Variants in CTNNA3 observed in about 807,000 individuals in gnomAD.
CTNNA3 encodes the protein catenin alpha-3.
In CTNNA3, 76 loss-of-function variants were observed where a neutral mutation model predicts 95.7. The ratio of observed to expected loss-of-function variants is 0.79; its 90% CI spans 0.66 to 0.96. CTNNA3 has a LOEUF of 0.96. CTNNA3 is among the 40% of genes least tolerant of loss of function. The pLI is 0.00. For missense variants in CTNNA3, 1,191 were observed against 1,089.8 expected, an observed-to-expected ratio of 1.09 and a Z score of -1.31; for synonymous variants, 431 against 374.4, an observed-to-expected ratio of 1.15 and a Z score of -1.74.
In CTNNA3 at chr10:65,966,611, C is replaced by G; in HGVS notation, c.2400+1G>C. 1 of 1,613,358 alleles carries G rather than the reference C, an allele frequency of 6.2e-7. No homozygotes were observed. The highest frequency in any genetic ancestry group is 8.5e-7 in the Non-Finnish European group (1 of 1,179,486). Reference sequence around the variant, plus strand: ...TCATGTAAGTGCTAGGCAGTACTCACAGCTGACATGATGAGCTCTCCTCCC... The same window carrying G: ...TCATGTAAGTGCTAGGCAGTACTCAGAGCTGACATGATGAGCTCTCCTCCC... On this transcript the variant is annotated splice_donor_variant, in intron 17 of 17. Transcript: ENST00000433211. LOFTEE classifies it high-confidence loss of function.
chr10:67,040,021 TGAG>T (rs1199613821), intron 7 of CTNNA3, among the ~76,000 whole-genome samples: 1 of 152,120 alleles, frequency 6.6e-6, no homozygotes, highest in Non-Finnish European at 1.5e-5. Flanking sequence ...GTGCTGATCA[TGAG>T]GAGGGTTAGT....
chr10:67,198,748 C>T (rs1863495580), intron 6 of CTNNA3, among the ~76,000 whole-genome samples: 1 of 152,158 alleles, frequency 6.6e-6, no homozygotes, highest in Non-Finnish European at 1.5e-5. Context: ...AAAAAATCAA[C>T]TGTTCGTGCA....
intron 5 of CTNNA3, among the ~76,000 whole-genome samples, chr10:67,487,594 C>A (rs1848492101): frequency 6.6e-6 from 1 of 152,212 alleles, no homozygotes; most frequent in Non-Finnish European, 1.5e-5. Flanking sequence ...TAAGCCACCT[C>A]ACAACCTGGG....
chr10:67,367,645 G>T (rs1843265356), intron 5 of CTNNA3, among the ~76,000 whole-genome samples: 1 of 152,138 alleles, frequency 6.6e-6, no homozygotes, highest in Admixed American at 6.5e-5. Context: ...ATTCACAATA[G>T]CAAAGACATG....
At chr10:66,769,182 A>G (rs1270337099) in intron 8 of CTNNA3, among the ~76,000 whole-genome samples, 1 of 152,240 alleles carries the variant, frequency 6.6e-6, no homozygotes, top group Non-Finnish European at 1.5e-5. Context: ...CAAAGCAAGA[A>G]TAACAGGTGA....
At chr10:66,918,952 G>A (rs974088959) in intron 7 of CTNNA3, among the ~76,000 whole-genome samples, 14 of 151,804 alleles carry the variant, frequency 9.2e-5, no homozygotes, top group Admixed American at 3.9e-4. Context: ...TGGCTAACAC[G>A]GTGAAACCCT....
At chr10:65,922,881 T>TA (rs1486014020) in intron 17 of CTNNA3, among the ~76,000 whole-genome samples, 1 of 152,108 alleles carries the variant, frequency 6.6e-6, no homozygotes, top group Non-Finnish European at 1.5e-5. Context: ...TCAGGAAACT[T>TA]ACAATCATGG....
intron 7 of CTNNA3, among the ~76,000 whole-genome samples, chr10:67,064,536 C>T (rs1338344639): frequency 6.6e-6 from 1 of 152,142 alleles, no homozygotes; most frequent in Non-Finnish European, 1.5e-5. Flanking sequence ...CAAGCTTTCT[C>T]TATAACATTT....
intron 5 of CTNNA3, among the ~76,000 whole-genome samples, chr10:67,500,420 G>T (rs1199823072): frequency 1.3e-5 from 2 of 152,202 alleles, no homozygotes; most frequent in Non-Finnish European, 2.9e-5. Flanking sequence ...ATTTCGGGTG[G>T]AGAGTTCTGT....
chr10:66,913,255 A>G (rs1344789126), intron 7 of CTNNA3, among the ~76,000 whole-genome samples: 2 of 149,918 alleles, frequency 1.3e-5, no homozygotes, highest in Non-Finnish European at 3.0e-5. Flanking sequence ...AAAAAAAAAA[A>G]AAAAAAAAAA....
chr10:66,729,332 T>G (rs1848879497), intron 9 of CTNNA3, among the ~76,000 whole-genome samples: 1 of 152,230 alleles, frequency 6.6e-6, no homozygotes, highest in Non-Finnish European at 1.5e-5. Context: ...GAAAAAGGAA[T>G]ATTTTTACAC....
chr10:66,148,581 C>T (rs1042522388), intron 13 of CTNNA3, among the ~76,000 whole-genome samples: 6 of 151,966 alleles, frequency 3.9e-5, no homozygotes, highest in African/African-American at 1.5e-4. Context: ...TGTGAGGATA[C>T]AGTACTTCCT....
chr10:67,354,260 T>A (rs982699176), intron 5 of CTNNA3, among the ~76,000 whole-genome samples: 1 of 152,140 alleles, frequency 6.6e-6, no homozygotes, highest in South Asian at 2.1e-4. Flanking sequence ...TGTAGCATCT[T>A]ACATTCTCCA....
At chr10:67,212,242 C>T (rs1397947653) in intron 6 of CTNNA3, among the ~76,000 whole-genome samples, 3 of 151,902 alleles carry the variant, frequency 2.0e-5, no homozygotes, top group Non-Finnish European at 2.9e-5. Flanking sequence ...ACAATATGCT[C>T]AGTAGCTTTA....
intron 15 of CTNNA3, among the ~76,000 whole-genome samples, chr10:66,029,072 A>G (rs1229830174): frequency 6.6e-6 from 1 of 152,198 alleles, no homozygotes; most frequent in Non-Finnish European, 1.5e-5. Flanking sequence ...AGAAAGATAG[A>G]ACATTTAAAA....
At chr10:67,272,326 T>C (rs894686671) in intron 5 of CTNNA3, among the ~76,000 whole-genome samples, 1 of 151,988 alleles carries the variant, frequency 6.6e-6, no homozygotes, top group Non-Finnish European at 1.5e-5. Flanking sequence ...CTGAGGCAGA[T>C]GGATCACTTG....
At chr10:66,005,879 A>G (rs1326680344) in intron 15 of CTNNA3, among the ~76,000 whole-genome samples, 1 of 152,140 alleles carries the variant, frequency 6.6e-6, no homozygotes, top group Non-Finnish European at 1.5e-5. Flanking sequence ...ACTTAAAGGC[A>G]TCACTTAGGG....
At chr10:67,598,583 C>T (rs1279332245) in intron 3 of CTNNA3, among the ~76,000 whole-genome samples, 1 of 152,070 alleles carries the variant, frequency 6.6e-6, no homozygotes, top group South Asian at 2.1e-4. Flanking sequence ...GCTATCTTGG[C>T]TCCTCCCAAA....
chr10:67,704,542 A>C (rs1481982657), intron 1 of CTNNA3, among the ~76,000 whole-genome samples: 7 of 152,238 alleles, frequency 4.6e-5, no homozygotes, highest in African/African-American at 7.2e-5. Flanking sequence ...TTCCCTATTT[A>C]ATAAACGGTG....
Sources: gnomAD v4.1 joint callset for allele counts (sites outside exome capture counted in the v4.1 genomes callset) on GRCh38, gnomAD v4.1.1 for gene constraint, MANE v1.5 for transcripts, NCBI Gene and HGNC (gene_info 2026-07-23, HGNC 2026-07-21) for gene names.